BMPR1B: variants seen among roughly 807,000 people sequenced by gnomAD.
BMPR1B encodes bone morphogenetic protein receptor type-1B.
Under a neutral mutation model 59.1 loss-of-function variants are expected in BMPR1B, and 12 were observed. That is an observed-to-expected ratio of 0.20 (90% CI 0.13 to 0.33). The LOEUF is 0.33. BMPR1B is among the 10% of genes least tolerant of loss of function. BMPR1B has a pLI of 1.00. For synonymous variants in BMPR1B, 237 were observed against 207.3 expected, an observed-to-expected ratio of 1.14 and a Z score of -1.23; for missense variants, 550 against 610.9, an observed-to-expected ratio of 0.90 and a Z score of 1.05.
intron 2 of BMPR1B, among the ~76,000 whole-genome samples, chr4:94,876,688 T>G (rs1250489420): frequency 1.3e-5 from 2 of 152,202 alleles, no homozygotes; most frequent in Non-Finnish European, 2.9e-5. Flanking sequence ...AGTGCTATAC[T>G]GAAAACCGAT....
chr4:94,800,096 T>G (rs1723350004), intron 1 of BMPR1B, among the ~76,000 whole-genome samples: 1 of 152,350 alleles, frequency 6.6e-6, no homozygotes, highest in Non-Finnish European at 1.5e-5. Flanking sequence ...GATCCCCAGT[T>G]TTTCTTGTCA....
intron 10 of BMPR1B, among the ~76,000 whole-genome samples, chr4:95,137,958 G>A (rs1560684979): frequency 6.6e-6 from 1 of 152,168 alleles, no homozygotes; most frequent in African/African-American, 2.4e-5. Flanking sequence ...TATGATGTTA[G>A]CTGCATATTT....
At chr4:94,784,008 C>G (rs1276434367) in intron 1 of BMPR1B, among the ~76,000 whole-genome samples, 1 of 152,080 alleles carries the variant, frequency 6.6e-6, no homozygotes, top group African/African-American at 2.4e-5. Flanking sequence ...TGCTCAGAGA[C>G]CATAGACTCT....
At chr4:94,790,442 C>A (rs1363745416) in intron 1 of BMPR1B, among the ~76,000 whole-genome samples, 1 of 152,102 alleles carries the variant, frequency 6.6e-6, no homozygotes, top group Non-Finnish European at 1.5e-5. Context: ...TGTTGGGGTT[C>A]TGGAGGCAGG....
At chr4:94,906,989 T>C (rs1333470948) in intron 2 of BMPR1B, among the ~76,000 whole-genome samples, 1 of 152,066 alleles carries the variant, frequency 6.6e-6, no homozygotes, top group Non-Finnish European at 1.5e-5. Flanking sequence ...TCTTCCTGTC[T>C]CCATATAGAT....
chr4:95,039,650 G>A (rs1198789010), intron 3 of BMPR1B, among the ~76,000 whole-genome samples: 2 of 152,176 alleles, frequency 1.3e-5, no homozygotes, highest in Non-Finnish European at 2.9e-5. Context: ...AGATGAAAAG[G>A]TTTAGCACAA....
At chr4:95,137,652 A>C (rs985324320) in intron 10 of BMPR1B, among the ~76,000 whole-genome samples, 1 of 152,146 alleles carries the variant, frequency 6.6e-6, no homozygotes, top group African/African-American at 2.4e-5. Context: ...TCCCTTTACC[A>C]TTATGTAATG....
intron 1 of BMPR1B, among the ~76,000 whole-genome samples, chr4:94,821,233 A>G (rs1456920162): frequency 6.6e-6 from 1 of 152,206 alleles, no homozygotes; most frequent in Non-Finnish European, 1.5e-5. Context: ...TGTGGTGAAA[A>G]TAAAGCCAAA....
At chr4:94,865,986 A>G (rs1726221616) in intron 1 of BMPR1B, among the ~76,000 whole-genome samples, 1 of 152,184 alleles carries the variant, frequency 6.6e-6, no homozygotes, top group Non-Finnish European at 1.5e-5. Context: ...ACAAACAAAC[A>G]AGTACATGTC....
chr4:94,873,378 C>T (rs1384451296), intron 1 of BMPR1B, among the ~76,000 whole-genome samples: 1 of 151,090 alleles, frequency 6.6e-6, no homozygotes, highest in African/African-American at 2.4e-5. Flanking sequence ...TCTGCTTTGA[C>T]AAATCTTACC....
intron 4 of BMPR1B, among the ~76,000 whole-genome samples, chr4:95,109,411 T>C (rs1487471385): frequency 2.0e-5 from 3 of 152,040 alleles, no homozygotes; most frequent in Non-Finnish European, 2.9e-5. Flanking sequence ...TTTACAAAGT[T>C]TGTGTTAACT....
chr4:95,067,386 C>T (rs1727902902), intron 3 of BMPR1B, among the ~76,000 whole-genome samples: 1 of 152,116 alleles, frequency 6.6e-6, no homozygotes, highest in Non-Finnish European at 1.5e-5. Context: ...GATGTGTTGG[C>T]ATCTTCTGGA....
intron 1 of BMPR1B, among the ~76,000 whole-genome samples, chr4:94,844,188 A>G (rs1161444993): frequency 6.6e-6 from 1 of 152,154 alleles, no homozygotes; most frequent in Non-Finnish European, 1.5e-5. Flanking sequence ...AGGTTAAAAA[A>G]GAAACTAATG....
At chr4:95,056,138 G>A (rs1451513081) in intron 3 of BMPR1B, among the ~76,000 whole-genome samples, 1 of 152,134 alleles carries the variant, frequency 6.6e-6, no homozygotes, top group Non-Finnish European at 1.5e-5. Context: ...AGTTTTCTGT[G>A]AAGCTTTCTT....
chr4:95,119,093 A>G (rs373095517), intron 6 of BMPR1B, among the ~76,000 whole-genome samples: 13 of 152,352 alleles, frequency 8.5e-5, no homozygotes, highest in African/African-American at 2.9e-4. Flanking sequence ...GTAAAATTAT[A>G]TCATTGGAAT....
intron 2 of BMPR1B, among the ~76,000 whole-genome samples, chr4:94,892,969 C>A (rs1479691807): frequency 6.6e-6 from 1 of 151,952 alleles, no homozygotes; most frequent in Non-Finnish European, 1.5e-5. Flanking sequence ...GTGGGGATAT[C>A]AGTCCTGCAG....
intron 3 of BMPR1B, among the ~76,000 whole-genome samples, chr4:95,030,203 C>A (rs1289073524): frequency 6.6e-6 from 1 of 152,068 alleles, no homozygotes; most frequent in Non-Finnish European, 1.5e-5. Flanking sequence ...TGCCTATGTC[C>A]TGAATGGTAA....
chr4:94,863,420 G>A (rs965599309), intron 1 of BMPR1B, among the ~76,000 whole-genome samples: 29 of 152,124 alleles, frequency 1.9e-4, no homozygotes, highest in African/African-American at 6.5e-4. Flanking sequence ...ATCAGTCGAG[G>A]GTAGTCACCA....
rs545685854 is a variant in BMPR1B at position 94,861,373 on chromosome 4, A to C, written c.-182-14458A>C. On this transcript the variant is annotated intron_variant, in intron 1 of 12. Transcript: ENST00000515059. ...TTCATTGTCAAGTATTTGAAGGCTG[A>C]TTAGAATTTGCTATTACTGGTTTCA... is the stretch of plus-strand genomic sequence containing the variant. 5.3e-5 allele frequency among the ~76,000 whole-genome samples: 8 copies of C among 152,326 alleles called. No individual in the cohort carries two copies. The East Asian group carries it at 1.5e-3, about 29-fold the overall frequency.
Sources: allele counts gnomAD v4.1 joint callset (sites outside exome capture counted in the v4.1 genomes callset), GRCh38; gene constraint gnomAD v4.1.1; transcripts MANE v1.5; gene names NCBI Gene and HGNC (gene_info 2026-07-23, HGNC 2026-07-21).